HIVEP3: variants seen among roughly 807,000 people sequenced by gnomAD.
The protein encoded by HIVEP3 is HIVEP zinc finger 3.
Under a neutral mutation model 152.8 loss-of-function variants are expected in HIVEP3, and 49 were observed. The ratio of observed to expected loss-of-function variants is 0.32; its 90% CI spans 0.26 to 0.41. The LOEUF (loss-of-function observed/expected upper bound fraction) is 0.41. Ranked by LOEUF, HIVEP3 falls within the 10% of genes least tolerant of loss-of-function variation. The pLI is 1.00. For synonymous variants in HIVEP3, 1,269 were observed against 1,289.0 expected, an observed-to-expected ratio of 0.98 and a Z score of 0.33; for missense variants, 2,790 against 3,103.3, an observed-to-expected ratio of 0.90 and a Z score of 2.40.
chr1:41,808,893 A>G (rs547894135), intron 1 of HIVEP3, among the ~76,000 whole-genome samples: 2 of 152,382 alleles, frequency 1.3e-5, no homozygotes, highest in South Asian at 4.1e-4. Context: ...GCAAAACCAC[A>G]GTGGCTTTAA....
intron 1 of HIVEP3, among the ~76,000 whole-genome samples, chr1:41,764,420 G>C (rs184698836): frequency 6.6e-6 from 1 of 152,224 alleles, no homozygotes; most frequent in African/African-American, 2.4e-5. Context: ...ACAAGGTGCG[G>C]GTGGGGGGCA....
At chr1:41,564,688 G>A (rs1473881248) in intron 5 of HIVEP3, among the ~76,000 whole-genome samples, 1 of 152,216 alleles carries the variant, frequency 6.6e-6, no homozygotes, top group African/African-American at 2.4e-5. Flanking sequence ...TCAATCTACT[G>A]CAAAATAGAA....
intron 1 of HIVEP3, among the ~76,000 whole-genome samples, chr1:42,016,620 A>G (rs1645524637): frequency 1.3e-5 from 2 of 152,170 alleles, no homozygotes; most frequent in African/African-American, 4.8e-5. Context: ...ATATTTTCCC[A>G]GAATTTTCCA....
intron 3 of HIVEP3, among the ~76,000 whole-genome samples, chr1:41,627,625 C>G (rs1013360130): frequency 2.6e-5 from 4 of 152,138 alleles, no homozygotes; most frequent in Non-Finnish European, 4.4e-5. Flanking sequence ...GTGGCCCCAT[C>G]CCCTTCTCTA....
At chr1:41,911,422 T>C (rs1233832052) in intron 1 of HIVEP3, among the ~76,000 whole-genome samples, 2 of 152,214 alleles carry the variant, frequency 1.3e-5, no homozygotes, top group African/African-American at 4.8e-5. Context: ...TAGAAATTGG[T>C]TAAACACATT....
At chr1:41,767,665 C>A (rs4660575) in intron 1 of HIVEP3, among the ~76,000 whole-genome samples, 74,575 of 152,086 alleles carry the variant, frequency 0.49, 20,428 homozygotes, top group Non-Finnish European at 0.63. Flanking sequence ...CAAATACCCG[C>A]GAACAAGCAC....
Position 42,006,396 on chromosome 1 carries a change from A to C in HIVEP3, n.119+29411T>G, listed in dbSNP as rs72951302. Among the ~76,000 whole-genome samples the C allele has an allele frequency of 3.5e-3, 527 of 152,282 alleles. 2 individuals carry two copies. Among genetic ancestry groups the C allele is most frequent in the African/African-American group, 0.012 (506 of 41,566 alleles). Reference sequence around the variant, plus strand: ...TCAGGACCTCCTTACATTCTTAAAAATTACTGCAGACCCCAAAGAGCCTTT... The same window carrying C: ...TCAGGACCTCCTTACATTCTTAAAACTTACTGCAGACCCCAAAGAGCCTTT... On this transcript the variant is annotated intron_variant and non_coding_transcript_variant, in intron 1 of 3. Transcript: ENST00000489103.
chr1:41,613,084 G>C (rs1418517184), intron 3 of HIVEP3, among the ~76,000 whole-genome samples: 3 of 152,240 alleles, frequency 2.0e-5, no homozygotes, highest in African/African-American at 7.2e-5. Flanking sequence ...GGACAGCCAG[G>C]AGCACTGGGC....
chr1:41,923,284 T>C (rs72965253), upstream of HIVEP3, among the ~76,000 whole-genome samples: 5,581 of 152,338 alleles, frequency 0.037, 323 homozygotes, highest in African/African-American at 0.13. Flanking sequence ...CTCTAACTGA[T>C]ATCTTGTTAA....
intron 1 of HIVEP3, among the ~76,000 whole-genome samples, chr1:41,792,164 T>C (rs538687019): frequency 6.6e-6 from 1 of 152,292 alleles, no homozygotes; most frequent in African/African-American, 2.4e-5. Flanking sequence ...ATTTCAATCA[T>C]CTTTGTCTCC....
At chr1:41,906,801 T>G (rs192375306) in intron 1 of HIVEP3, among the ~76,000 whole-genome samples, 1 of 152,108 alleles carries the variant, frequency 6.6e-6, no homozygotes, top group Non-Finnish European at 1.5e-5. Flanking sequence ...GCTTCCTTTG[T>G]TTTTTGTTCC....
At chr1:41,925,725 C>T (rs976851673) in intron 1 of HIVEP3, among the ~76,000 whole-genome samples, 2 of 152,050 alleles carry the variant, frequency 1.3e-5, no homozygotes, top group Non-Finnish European at 2.9e-5. Flanking sequence ...GAATATTGCC[C>T]AAAACTTTTT....
chr1:41,820,870 T>C (rs555146565), intron 1 of HIVEP3, among the ~76,000 whole-genome samples: 1 of 152,358 alleles, frequency 6.6e-6, no homozygotes, highest in African/African-American at 2.4e-5. Context: ...ATTGCATGAA[T>C]GAACACTTGA....
At chr1:41,858,176 G>A (rs1030540497) in intron 1 of HIVEP3, among the ~76,000 whole-genome samples, 6 of 152,170 alleles carry the variant, frequency 3.9e-5, no homozygotes, top group Admixed American at 1.3e-4. Context: ...CGGAAGGTTA[G>A]GTGGCCCTGC....
At chr1:41,603,333 G>T (rs184278404) in intron 3 of HIVEP3, among the ~76,000 whole-genome samples, 1 of 151,906 alleles carries the variant, frequency 6.6e-6, no homozygotes, top group Non-Finnish European at 1.5e-5. Flanking sequence ...CTCCCAAAGC[G>T]CTGGGATTAC....
At chr1:41,536,159 C>A (rs1345862860) in intron 5 of HIVEP3, among the ~76,000 whole-genome samples, 1 of 152,054 alleles carries the variant, frequency 6.6e-6, no homozygotes, top group African/African-American at 2.4e-5. Flanking sequence ...CTGAATATAA[C>A]AAAAGATGGA....
At chr1:41,723,229 C>A (rs1646702828) in intron 1 of HIVEP3, among the ~76,000 whole-genome samples, 1 of 152,104 alleles carries the variant, frequency 6.6e-6, no homozygotes, top group Non-Finnish European at 1.5e-5. Context: ...AGGGACACAT[C>A]TGCCAGATCT....
intron 1 of HIVEP3, among the ~76,000 whole-genome samples, chr1:41,927,077 G>C (rs989398906): frequency 2.0e-4 from 31 of 152,216 alleles, no homozygotes; most frequent in African/African-American, 6.3e-4. Flanking sequence ...AACCAGGAGA[G>C]TCTGATGTTG....
intron 1 of HIVEP3, among the ~76,000 whole-genome samples, chr1:41,745,535 A>T (rs769354351): frequency 6.6e-6 from 1 of 152,198 alleles, no homozygotes; most frequent in Non-Finnish European, 1.5e-5. Flanking sequence ...CTCTGCTCTG[A>T]CCCTGGAGAC....
Sources: gnomAD v4.1 joint callset for allele counts (sites outside exome capture counted in the v4.1 genomes callset) on GRCh38, gnomAD v4.1.1 for gene constraint, MANE v1.5 for transcripts, NCBI Gene and HGNC (gene_info 2026-07-23, HGNC 2026-07-21) for gene names.